The following SPAG16 variants were observed in gnomAD, a reference collection of about 807,000 sequenced individuals.
SPAG16 encodes the protein sperm-associated antigen 16 protein.
SPAG16 carries 86 observed loss-of-function variants against 80.4 expected under a neutral mutation model. The ratio of observed to expected loss-of-function variants is 1.07; its 90% CI spans 0.90 to 1.28. The LOEUF is 1.28. SPAG16 is among the 50% of genes most tolerant of loss of function. The pLI, the probability that SPAG16 is intolerant of heterozygous loss-of-function variation, is 0.00. For synonymous variants in SPAG16, 294 were observed against 265.9 expected, an observed-to-expected ratio of 1.11 and a Z score of -1.03; for missense variants, 870 against 765.3, an observed-to-expected ratio of 1.14 and a Z score of -1.61.
chr2:213,692,811 A>G lies in SPAG16; in HGVS notation c.1071-169674A>G, dbSNP rs560873494. Among the ~76,000 whole-genome samples the G allele has an allele frequency of 3.6e-3, 495 of 138,384 alleles. 2 individuals are homozygous for G. Among genetic ancestry groups the G allele is most frequent in the Middle Eastern group, 0.014 (4 of 278 alleles). 90.8% of individuals were successfully genotyped at this position (138,384 alleles called of 152,430 possible). ...GGTGAAAGTGCGAGACTCGGTCTCG[A>G]AAAAAAAAAAAAAAGAAAAAAAAAG... On this transcript the variant is annotated intron_variant, in intron 10 of 15. Coordinates refer to ENST00000331683, the MANE Select transcript of SPAG16 (RefSeq NM_024532.5).
chr2:214,198,600 C>T (rs1163519786), intron 15 of SPAG16, among the ~76,000 whole-genome samples: 1 of 151,896 alleles, frequency 6.6e-6, no homozygotes, highest in Non-Finnish European at 1.5e-5. Context: ...ACTTCTTTTC[C>T]TTTGGGTAGA....
At chr2:214,014,383 G>A (rs1328260458) in intron 13 of SPAG16, among the ~76,000 whole-genome samples, 1 of 152,168 alleles carries the variant, frequency 6.6e-6, no homozygotes, top group Admixed American at 6.5e-5. Context: ...CCCTCCTTAA[G>A]GATCTTTTAG....
intron 10 of SPAG16, among the ~76,000 whole-genome samples, chr2:213,592,220 A>G (rs1481698237): frequency 3.9e-5 from 6 of 152,230 alleles, no homozygotes; most frequent in Non-Finnish European, 8.8e-5. Flanking sequence ...TTAAAGTGCA[A>G]TTATAAAAAT....
At chr2:214,381,633 G>A (rs1052266686) in intron 15 of SPAG16, among the ~76,000 whole-genome samples, 1 of 152,184 alleles carries the variant, frequency 6.6e-6, no homozygotes, top group Non-Finnish European at 1.5e-5. Flanking sequence ...TGGATTCTAT[G>A]GGTGAAGCTC....
intron 15 of SPAG16, among the ~76,000 whole-genome samples, chr2:214,206,677 G>GT (rs1289850843): frequency 6.6e-6 from 1 of 152,094 alleles, no homozygotes; most frequent in Non-Finnish European, 1.5e-5. Context: ...TCTATTTTTA[G>GT]TTTTTTGTGG....
chr2:213,508,661 G>A lies in SPAG16; in HGVS notation c.1070+18571G>A, dbSNP rs184067494. Among the ~76,000 whole-genome samples, 124 of 152,086 alleles carry A rather than the reference G, an allele frequency of 8.2e-4. 2 individuals carry two copies. Among genetic ancestry groups the A allele is most frequent in the Middle Eastern group, 3.4e-3 (1 of 292 alleles). Reference sequence around the variant, plus strand: ...AAACCATCATTCACAGCAAACTGTCGCAAGGACAAAAAACCGAACACCACG... The same window carrying A: ...AAACCATCATTCACAGCAAACTGTCACAAGGACAAAAAACCGAACACCACG... On this transcript the variant is annotated intron_variant, in intron 10 of 15. Transcript: ENST00000331683.
At chr2:213,978,552 CAA>C (rs2045537225) in intron 12 of SPAG16, among the ~76,000 whole-genome samples, 1 of 152,086 alleles carries the variant, frequency 6.6e-6, no homozygotes, top group Non-Finnish European at 1.5e-5. Context: ...ACACTACTTC[CAA>C]TTTCTAAATT....
chr2:213,394,773 A>G (rs1306310174), intron 9 of SPAG16, among the ~76,000 whole-genome samples: 1 of 152,204 alleles, frequency 6.6e-6, no homozygotes, highest in Admixed American at 6.5e-5. Flanking sequence ...TCAGTAGCTG[A>G]TCATGTTATT....
intron 10 of SPAG16, among the ~76,000 whole-genome samples, chr2:213,781,392 A>G (rs951998149): frequency 3.3e-5 from 5 of 152,190 alleles, no homozygotes; most frequent in Admixed American, 6.5e-5. Context: ...AAATAAAAAG[A>G]AAAGCAAAAA....
intron 10 of SPAG16, among the ~76,000 whole-genome samples, chr2:213,738,498 A>C (rs543375495): frequency 1.3e-5 from 2 of 152,184 alleles, no homozygotes; most frequent in Admixed American, 6.5e-5. Context: ...CTACATTACT[A>C]TTCTTGGCAT....
At chr2:213,671,044 A>G (rs965972570) in intron 10 of SPAG16, among the ~76,000 whole-genome samples, 1 of 152,196 alleles carries the variant, frequency 6.6e-6, no homozygotes, top group Non-Finnish European at 1.5e-5. Flanking sequence ...CATTGCTATC[A>G]TCCCTGATCA....
intron 10 of SPAG16, among the ~76,000 whole-genome samples, chr2:213,507,568 A>G (rs2075015540): frequency 6.6e-6 from 1 of 152,216 alleles, no homozygotes; most frequent in Non-Finnish European, 1.5e-5. Flanking sequence ...CCTATTTAGA[A>G]TAGGCAGCCC....
intron 9 of SPAG16, chr2:213,396,836 G>A (rs1443446458): frequency 4.2e-6 from 1 of 235,316 alleles, no homozygotes; most frequent in Non-Finnish European, 8.8e-6. Context: ...TTCATAAAAG[G>A]AGTCCAGGAC....
intron 15 of SPAG16, chr2:214,240,513 T>C (rs1689385460): frequency 6.6e-6 from 1 of 152,266 alleles, no homozygotes; most frequent in South Asian, 2.1e-4. Flanking sequence ...TTTTCTAGTA[T>C]ACACAGCCAC....
intron 11 of SPAG16, among the ~76,000 whole-genome samples, chr2:213,872,790 G>A (rs1196013876): frequency 6.6e-6 from 1 of 152,110 alleles, no homozygotes. Context: ...TGTTGATCAT[G>A]AGAGGATGTT....
chr2:213,542,477 CTT>C, intron 10 of SPAG16, among the ~76,000 whole-genome samples: 1 of 152,130 alleles, frequency 6.6e-6, no homozygotes, highest in Non-Finnish European at 1.5e-5. Context: ...TTACTTCTTT[CTT>C]TGTCAGTAAA....
chr2:214,183,184 T>C (rs938316887), intron 15 of SPAG16, among the ~76,000 whole-genome samples: 3 of 151,978 alleles, frequency 2.0e-5, no homozygotes, highest in African/African-American at 7.2e-5. Context: ...ATCTACTACA[T>C]ATTTTTCTAT....
intron 12 of SPAG16, among the ~76,000 whole-genome samples, chr2:213,948,219 A>T (rs2079556930): frequency 6.6e-6 from 1 of 152,160 alleles, no homozygotes; most frequent in Admixed American, 6.5e-5. Context: ...TGTAATAGCT[A>T]CACTTTCTTT....
chr2:213,476,537 T>C (rs993683051), intron 9 of SPAG16, among the ~76,000 whole-genome samples: 2 of 152,238 alleles, frequency 1.3e-5, no homozygotes, highest in Admixed American at 1.3e-4. Flanking sequence ...CAGTGTTCTA[T>C]CTGTTTTTGT....
Sources: gnomAD v4.1 joint callset for allele counts (sites outside exome capture counted in the v4.1 genomes callset) on GRCh38, gnomAD v4.1.1 for gene constraint, MANE v1.5 for transcripts, NCBI Gene and HGNC (gene_info 2026-07-23, HGNC 2026-07-21) for gene names.